Variants in TM9SF4 observed in about 807,000 individuals in gnomAD.
TM9SF4 encodes dinucleotide oxidase disulfide thiol exchanger 3 superfamily member 4.
A neutral mutation model predicts 90.4 loss-of-function variants in TM9SF4; 26 were observed. The observed-to-expected ratio is 0.29, with a 90% CI of 0.21 to 0.40. The LOEUF is 0.40. Ranked by LOEUF, TM9SF4 falls within the 10% of genes least tolerant of loss-of-function variation. TM9SF4 has a pLI of 1.00. For missense variants in TM9SF4, 549 were observed against 834.8 expected (o/e 0.66, Z 4.22); for synonymous variants, 293 against 315.4 (o/e 0.93, Z 0.75).
chr20:32,117,182 T>C (rs907736298), intron 1 of TM9SF4, among the ~76,000 whole-genome samples: 13 of 129,386 alleles, frequency 1.0e-4, no homozygotes, highest in African/African-American at 3.9e-4. Flanking sequence ...CAAGATCATA[T>C]CACTGCACTC....
intron 1 of TM9SF4, among the ~76,000 whole-genome samples, chr20:32,111,337 G>T (rs1255943688): frequency 6.6e-6 from 1 of 152,172 alleles, no homozygotes; most frequent in African/African-American, 2.4e-5. Flanking sequence ...TTGCTATAAG[G>T]AAAACATTGA....
intron 1 of TM9SF4, among the ~76,000 whole-genome samples, chr20:32,128,816 G>GTGTGTA (rs2046464586): frequency 6.7e-6 from 1 of 150,146 alleles, no homozygotes; most frequent in African/African-American, 2.5e-5. Flanking sequence ...GTGTGTGTGT[G>GTGTGTA]TGTGTGTGTG....
intron 9 of TM9SF4, among the ~76,000 whole-genome samples, chr20:32,148,868 C>T (rs1232744837): frequency 6.6e-6 from 1 of 152,044 alleles, no homozygotes; most frequent in Non-Finnish European, 1.5e-5. Flanking sequence ...GACGGGGTTT[C>T]ACCCTGTTAG....
At chr20:32,127,193 G>A (rs538346638) in intron 1 of TM9SF4, among the ~76,000 whole-genome samples, 4 of 152,230 alleles carry the variant, frequency 2.6e-5, no homozygotes, top group Admixed American at 2.6e-4. Context: ...CTACCTCATA[G>A]GATTGTTTTC....
At chr20:32,137,142 C>T (rs1417670522) in intron 3 of TM9SF4, 2 of 434,590 alleles carry the variant, frequency 4.6e-6, no homozygotes, top group Non-Finnish European at 9.3e-6. Flanking sequence ...CCTGGGCTGG[C>T]CTCTACCAAC....
chr20:32,150,860 G>A lies in TM9SF4; in HGVS notation c.1230G>A (p.Lys410=). 1 of 1,614,228 alleles carries A rather than the reference G, an allele frequency of 6.2e-7. No individual in the cohort carries two copies. Among genetic ancestry groups the A allele is most frequent in the Non-Finnish European group, 8.5e-7 (1 of 1,180,034 alleles). The change falls in exon 12 of 18, where the codon AAG becomes AAA. Residue 410 remains lysine (K), a synonymous_variant. Coordinates refer to ENST00000398022, the MANE Select transcript of TM9SF4 (RefSeq NM_014742.4). ...GCACTTTAAAAGGCCATCGGTGGAAGAAAGGAGCCTTCTGTGTGAGTGTCC... is the reference window on the plus strand; with the variant it reads ...GCACTTTAAAAGGCCATCGGTGGAAAAAAGGAGCCTTCTGTGTGAGTGTCC... ...LYRTLKGHRW[K]KGAFCTATLY... is the part of the protein sequence containing the mutation.
chr20:32,112,918 A>C (rs2046167691), intron 1 of TM9SF4, among the ~76,000 whole-genome samples: 1 of 152,136 alleles, frequency 6.6e-6, no homozygotes, highest in Non-Finnish European at 1.5e-5. Context: ...TGTGGAAGCA[A>C]ATTTATTACA....
At chr20:32,139,820 C>G (rs2046645629) in intron 3 of TM9SF4, among the ~76,000 whole-genome samples, 1 of 152,236 alleles carries the variant, frequency 6.6e-6, no homozygotes, top group Admixed American at 6.5e-5. Context: ...GTGCCTCCCC[C>G]ACCCCAAAGG....
Position 32,150,490 on chromosome 20 carries a change from G to T in TM9SF4, c.1088-132G>T. On this transcript the variant is annotated intron_variant, in intron 10 of 17. Coordinates refer to ENST00000398022, the MANE Select transcript of TM9SF4 (RefSeq NM_014742.4). Reference sequence around the variant, plus strand: ...ACTATGCTGTTGAGAAGACAAGGGAGGGGGAGCCTCATCTGCCCAGAGTCC... The same window carrying T: ...ACTATGCTGTTGAGAAGACAAGGGATGGGGAGCCTCATCTGCCCAGAGTCC... 5 of 981,850 alleles carry T rather than the reference G, an allele frequency of 5.1e-6. No homozygotes were observed. In the South Asian group the frequency reaches 7.3e-5, roughly 14 times the overall value. The allele number at this position is 981,850 out of a possible 1,614,324, so 60.8% of individuals were successfully genotyped here. A position where few individuals can be genotyped will look rare whatever the true frequency, so the allele number is the denominator to read the frequency against.
intron 2 of TM9SF4, among the ~76,000 whole-genome samples, chr20:32,134,671 C>A (rs1438462031): frequency 6.6e-6 from 1 of 151,390 alleles, no homozygotes; most frequent in African/African-American, 2.4e-5. Flanking sequence ...TTTTCTTTTT[C>A]TTTTCTTTTT....
Position 32,157,731 on chromosome 20 carries a change from C to A in TM9SF4, c.1330-63C>A. Reference sequence around the variant, plus strand: ...GTGGAGCCCAGAAGGTCCCCTCCCCCTTGCGCAGCCCCCATCCCGGGCATC... The same window carrying A: ...GTGGAGCCCAGAAGGTCCCCTCCCCATTGCGCAGCCCCCATCCCGGGCATC... On this transcript the variant is annotated intron_variant, in intron 13 of 17. Transcript: ENST00000398022. 6 of 1,586,088 alleles carry A rather than the reference C, an allele frequency of 3.8e-6. No homozygotes were observed. The South Asian group carries it at 7.0e-5, about 18-fold the overall frequency.
chr20:32,154,476 C>T (rs763229405), intron 12 of TM9SF4, among the ~76,000 whole-genome samples: 11 of 151,506 alleles, frequency 7.3e-5, no homozygotes, highest in South Asian at 6.2e-4. Context: ...TTTTTTGAGA[C>T]GGAATCTCGC....
In TM9SF4 at chr20:32,146,874, G is replaced by A; in HGVS notation, c.954+19G>A. The stretch of plus-strand genomic sequence containing the variant: ...TGACATTGTACGAGGTCTTGGCTGG[G>A]GAGGGATGAAGTTGGATGGGGAGGG... On this transcript the variant is annotated intron_variant, in intron 9 of 17. Coordinates refer to ENST00000398022, the MANE Select transcript of TM9SF4 (RefSeq NM_014742.4). 5.6e-6 allele frequency: 9 copies of A among 1,612,228 alleles called. No individual in the cohort carries two copies. Among genetic ancestry groups the A allele is most frequent in the Non-Finnish European group, 7.6e-6 (9 of 1,179,104 alleles).
chr20:32,147,624 A>C (rs778126854), intron 9 of TM9SF4, among the ~76,000 whole-genome samples: 2 of 152,210 alleles, frequency 1.3e-5, no homozygotes, highest in Non-Finnish European at 2.9e-5. Flanking sequence ...AGGCCAAGGC[A>C]GGTGGATCAC....
At chr20:32,147,818 A>C (rs1002669200) in intron 9 of TM9SF4, among the ~76,000 whole-genome samples, 9 of 149,820 alleles carry the variant, frequency 6.0e-5, no homozygotes, top group Non-Finnish European at 8.8e-5. Context: ...GTGCCACTGC[A>C]CTCCAGCCTG....
At chr20:32,121,720 C>A (rs868453158) in intron 1 of TM9SF4, among the ~76,000 whole-genome samples, 615 of 152,312 alleles carry the variant, frequency 4.0e-3, no homozygotes, top group Middle Eastern at 0.017. Context: ...CTGTTGGGCA[C>A]ACCTCCCAGA....
intron 1 of TM9SF4, among the ~76,000 whole-genome samples, chr20:32,110,671 G>A (rs1041767695): frequency 2.0e-5 from 3 of 152,158 alleles, no homozygotes; most frequent in African/African-American, 7.2e-5. Flanking sequence ...AGCTCGTTAG[G>A]GATGAAGGCT....
intron 5 of TM9SF4, 31 bp downstream of exon 5, chr20:32,141,926 G>A (rs376492301): frequency 1.1e-4 from 178 of 1,612,838 alleles, no homozygotes; most frequent in Middle Eastern, 1.6e-4. Flanking sequence ...TCACAGGACC[G>A]GGAGCCACAC....
chr20:32,127,804 C>G (rs1263152373), intron 1 of TM9SF4, among the ~76,000 whole-genome samples: 1 of 152,110 alleles, frequency 6.6e-6, no homozygotes, highest in African/African-American at 2.4e-5. Context: ...GATTCTGTTT[C>G]AAAAGAAGGT....
Sources: gnomAD v4.1 joint callset for allele counts (sites outside exome capture counted in the v4.1 genomes callset) on GRCh38, gnomAD v4.1.1 for gene constraint, MANE v1.5 for transcripts, NCBI Gene and HGNC (gene_info 2026-07-23, HGNC 2026-07-21) for gene names.